The following UNC5C variants were observed in gnomAD, a reference collection of about 807,000 sequenced individuals.
The protein encoded by UNC5C is netrin receptor UNC5C.
A neutral mutation model predicts 99.8 loss-of-function variants in UNC5C; 47 were observed. That is an observed-to-expected ratio of 0.47 (90% CI 0.37 to 0.60). The LOEUF (loss-of-function observed/expected upper bound fraction) is 0.60. Ranked by LOEUF, UNC5C falls within the 20% of genes least tolerant of loss-of-function variation. The pLI, the probability that UNC5C is intolerant of heterozygous loss-of-function variation, is 0.00. For missense variants in UNC5C, 1,062 were observed against 1,165.9 expected (o/e 0.91, Z 1.30); for synonymous variants, 487 against 452.2 (o/e 1.08, Z -0.98).
At chr4:95,191,159 C>G (rs1037353951) in intron 12 of UNC5C, among the ~76,000 whole-genome samples, 1 of 152,142 alleles carries the variant, frequency 6.6e-6, no homozygotes, top group Non-Finnish European at 1.5e-5. Context: ...AGCCAAGCCA[C>G]TCCTCCACTC....
chr4:95,400,093 A>G (rs1745642934), intron 1 of UNC5C, among the ~76,000 whole-genome samples: 1 of 152,224 alleles, frequency 6.6e-6, no homozygotes. Flanking sequence ...GTAGTGGACA[A>G]CATTGTCACG....
intron 1 of UNC5C, among the ~76,000 whole-genome samples, chr4:95,427,540 A>G (rs1321635288): frequency 2.0e-5 from 3 of 152,194 alleles, no homozygotes; most frequent in African/African-American, 7.2e-5. Flanking sequence ...GTCAGTAGCC[A>G]TCAACATCAA....
chr4:95,484,614 C>T (rs908491904), intron 1 of UNC5C, among the ~76,000 whole-genome samples: 32 of 151,828 alleles, frequency 2.1e-4, no homozygotes, highest in African/African-American at 7.5e-4. Context: ...CAGACTGGAT[C>T]CCTGAGTGAC....
chr4:95,268,984 AG>A (rs1321020066), intron 4 of UNC5C, among the ~76,000 whole-genome samples: 1 of 152,242 alleles, frequency 6.6e-6, no homozygotes, highest in African/African-American at 2.4e-5. Flanking sequence ...AGCCAAGCCA[AG>A]CTTCTCCAAG....
chr4:95,251,404 G>A (rs1739723764), intron 4 of UNC5C, among the ~76,000 whole-genome samples: 2 of 152,006 alleles, frequency 1.3e-5, no homozygotes, highest in African/African-American at 4.8e-5. Flanking sequence ...GTGTGCTTTT[G>A]GGGAACCTGA....
intron 1 of UNC5C, among the ~76,000 whole-genome samples, chr4:95,528,340 AC>A (rs1722549489): frequency 6.6e-6 from 1 of 152,076 alleles, no homozygotes; most frequent in Non-Finnish European, 1.5e-5. Context: ...CAATTTTCGC[AC>A]CCATGGAGAT....
chr4:95,307,535 C>G (rs1034911838), intron 2 of UNC5C, among the ~76,000 whole-genome samples: 2 of 152,074 alleles, frequency 1.3e-5, no homozygotes, highest in Admixed American at 1.3e-4. Flanking sequence ...AGGACCTGCA[C>G]TTTTATTTAA....
intron 1 of UNC5C, among the ~76,000 whole-genome samples, chr4:95,417,175 G>A (rs547828989): frequency 6.6e-6 from 1 of 152,272 alleles, no homozygotes; most frequent in Admixed American, 6.5e-5. Flanking sequence ...CAAAATGAGT[G>A]CCGTCGGGAT....
intron 1 of UNC5C, among the ~76,000 whole-genome samples, chr4:95,496,319 CAAG>C (rs1450561530): frequency 6.6e-6 from 1 of 151,674 alleles, no homozygotes; most frequent in African/African-American, 2.4e-5. Context: ...CTAGATTGGT[CAAG>C]AAGACTATAT....
chr4:95,427,018 C>T (rs886459887), intron 1 of UNC5C, among the ~76,000 whole-genome samples: 18 of 152,096 alleles, frequency 1.2e-4, no homozygotes, highest in African/African-American at 3.6e-4. Context: ...GAAGAAGATG[C>T]CATGTAGGAC....
intron 1 of UNC5C, among the ~76,000 whole-genome samples, chr4:95,527,858 C>A (rs192826386): frequency 6.6e-6 from 1 of 152,188 alleles, no homozygotes; most frequent in East Asian, 1.9e-4. Context: ...ATTGCAAAAT[C>A]ACTTTACACT....
chr4:95,317,386 G>A (rs912595915), intron 2 of UNC5C, among the ~76,000 whole-genome samples: 2 of 152,166 alleles, frequency 1.3e-5, no homozygotes, highest in Admixed American at 6.5e-5. Flanking sequence ...CATTAACAAC[G>A]TGTTTACATT....
intron 1 of UNC5C, among the ~76,000 whole-genome samples, chr4:95,405,081 C>T (rs1451219870): frequency 6.6e-6 from 1 of 152,132 alleles, no homozygotes; most frequent in African/African-American, 2.4e-5. Flanking sequence ...CCGAATCTTC[C>T]GGGATGCTGG....
Position 95,214,296 on chromosome 4 carries a change from A to T in UNC5C, c.1733+1828T>A, listed in dbSNP as rs191524962. On this transcript the variant is annotated intron_variant, in intron 10 of 15. Transcript: ENST00000453304. Reference sequence around the variant, plus strand: ...TCTGTAGTGCATATTTTCTTTTGAGATCTTGAGGTTTTCCTAGCTTCATTT... The same window carrying T: ...TCTGTAGTGCATATTTTCTTTTGAGTTCTTGAGGTTTTCCTAGCTTCATTT... Among the ~76,000 whole-genome samples the T allele has an allele frequency of 2.7e-3, 414 of 152,182 alleles. 6 individuals carry two copies. The highest frequency in any genetic ancestry group is 0.025 in the Admixed American group (377 of 15,286).
chr4:95,213,669 G>A (rs1286241294), intron 10 of UNC5C, among the ~76,000 whole-genome samples: 3 of 152,226 alleles, frequency 2.0e-5, no homozygotes, highest in Non-Finnish European at 4.4e-5. Context: ...AACATACCCA[G>A]TTTGGGATGC....
chr4:95,364,823 T>C (rs916705982), intron 1 of UNC5C, among the ~76,000 whole-genome samples: 1 of 152,136 alleles, frequency 6.6e-6, no homozygotes, highest in Non-Finnish European at 1.5e-5. Flanking sequence ...ATTATCATCA[T>C]TGCCTTATTT....
At position 95,198,895 on chromosome 4, in the gene UNC5C, G is replaced by GAA. The variant is rs575588986; in HGVS notation, c.2136+3834_2136+3835dup. Reference sequence around the variant, plus strand: ...GAATTAAAGTTCCAAAAAGATTTGGGAAAGTGTTTAGGATAATAGCTCTTA... The same window carrying GAA: ...GAATTAAAGTTCCAAAAAGATTTGGGAAAAAGTGTTTAGGATAATAGCTCTTA... On this transcript the variant is annotated intron_variant, in intron 12 of 15. Coordinates refer to ENST00000453304, the MANE Select transcript of UNC5C (RefSeq NM_003728.4). 1.3e-4 allele frequency among the ~76,000 whole-genome samples: 20 copies of GAA among 152,318 alleles called. No individual in the cohort carries two copies. In the East Asian group the frequency reaches 2.9e-3, roughly 22 times the overall value.
intron 1 of UNC5C, among the ~76,000 whole-genome samples, chr4:95,474,247 T>C (rs1748061855): frequency 6.6e-6 from 1 of 152,044 alleles, no homozygotes; most frequent in Non-Finnish European, 1.5e-5. Context: ...GCTTGAGACA[T>C]ACACACACAC....
chr4:95,281,108 T>A (rs544421791), intron 3 of UNC5C, among the ~76,000 whole-genome samples: 2 of 152,308 alleles, frequency 1.3e-5, no homozygotes, highest in South Asian at 2.1e-4. Context: ...CTGAGAAACT[T>A]CTGCCTGATG....
Sources: allele counts gnomAD v4.1 joint callset (sites outside exome capture counted in the v4.1 genomes callset), GRCh38; gene constraint gnomAD v4.1.1; transcripts MANE v1.5; gene names NCBI Gene and HGNC (gene_info 2026-07-23, HGNC 2026-07-21).